PTPRK: variants seen among roughly 807,000 people sequenced by gnomAD.
PTPRK encodes the protein receptor-type tyrosine-protein phosphatase kappa.
A neutral mutation model predicts 178.0 loss-of-function variants in PTPRK; 75 were observed. The observed-to-expected ratio is 0.42, with a 90% CI of 0.35 to 0.51. The LOEUF is 0.51. PTPRK is among the 20% of genes least tolerant of loss of function. PTPRK has a pLI of 0.02. For synonymous variants in PTPRK, 637 were observed against 620.6 expected, an observed-to-expected ratio of 1.03 and a Z score of -0.39; for missense variants, 1,441 against 1,797.8, an observed-to-expected ratio of 0.80 and a Z score of 3.59.
At chr6:128,066,145 T>C (rs1781712897) in intron 12 of PTPRK, among the ~76,000 whole-genome samples, 1 of 152,160 alleles carries the variant, frequency 6.6e-6, no homozygotes, top group South Asian at 2.1e-4. Flanking sequence ...AAAACTATGC[T>C]TCCTACTCAA....
At chr6:127,985,260 T>C (rs1775815025) in intron 22 of PTPRK, among the ~76,000 whole-genome samples, 1 of 152,108 alleles carries the variant, frequency 6.6e-6, no homozygotes, top group South Asian at 2.1e-4. Flanking sequence ...GTGAATTCTT[T>C]AAAAAAAATT....
At chr6:128,241,487 G>A (rs1266069885) in intron 4 of PTPRK, among the ~76,000 whole-genome samples, 1 of 152,200 alleles carries the variant, frequency 6.6e-6, no homozygotes, top group African/African-American at 2.4e-5. Context: ...CCTCACAAGA[G>A]GCCCCAGCCT....
intron 2 of PTPRK, among the ~76,000 whole-genome samples, chr6:128,359,035 A>G (rs1390132956): frequency 6.6e-6 from 1 of 152,222 alleles, no homozygotes; most frequent in East Asian, 1.9e-4. Context: ...TGCATACTGT[A>G]GACAATACCC....
At chr6:128,046,079 AAAGTCAGTTCT>A (rs1340135005) in intron 13 of PTPRK, among the ~76,000 whole-genome samples, 2 of 152,148 alleles carry the variant, frequency 1.3e-5, no homozygotes, top group Non-Finnish European at 2.9e-5. Flanking sequence ...GTGCCTAACA[AAAGTCAGTTCT>A]AAGTCATGAA....
chr6:128,406,335 G>C (rs1037006122), intron 1 of PTPRK, among the ~76,000 whole-genome samples: 9 of 151,930 alleles, frequency 5.9e-5, no homozygotes, highest in Non-Finnish European at 1.2e-4. Flanking sequence ...ATATCAAAAT[G>C]TTTCTAGACT....
At chr6:128,480,147 T>C (rs1045742847) in intron 1 of PTPRK, among the ~76,000 whole-genome samples, 29 of 152,262 alleles carry the variant, frequency 1.9e-4, no homozygotes, top group African/African-American at 6.7e-4. Flanking sequence ...AGTGAGCTCA[T>C]TGTTCTCATC....
At position 128,018,950 on chromosome 6, in the gene PTPRK, G is replaced by T. The variant is rs1773025049; in HGVS notation, c.2195-9682C>A. 2.0e-5 allele frequency among the ~76,000 whole-genome samples: 3 copies of T among 152,106 alleles called. No homozygotes were observed. The South Asian group carries it at 6.2e-4, about 31-fold the overall frequency. Reference sequence around the variant, plus strand: ...AAGATGAACAAGTGTTCTTCCTTTAGAGAGCGTATAAACTAGAAGAAGAAT... The same window carrying T: ...AAGATGAACAAGTGTTCTTCCTTTATAGAGCGTATAAACTAGAAGAAGAAT... On this transcript the variant is annotated intron_variant, in intron 13 of 29. Transcript: ENST00000368226.
chr6:128,235,518 G>T, intron 5 of PTPRK: 4 of 457,518 alleles, frequency 8.7e-6, no homozygotes, highest in South Asian at 6.5e-5. Flanking sequence ...ATCATTGAAC[G>T]TTCCTCAGGA....
At chr6:128,322,661 T>C (rs1314440943) in intron 2 of PTPRK, among the ~76,000 whole-genome samples, 1 of 149,534 alleles carries the variant, frequency 6.7e-6, no homozygotes, top group Admixed American at 6.6e-5. Flanking sequence ...ACAAGTCTTT[T>C]AATATAATAT....
intron 1 of PTPRK, among the ~76,000 whole-genome samples, chr6:128,516,681 A>G (rs557616297): frequency 1.4e-4 from 22 of 152,276 alleles, no homozygotes; most frequent in African/African-American, 5.1e-4. Context: ...ACATGTCAGG[A>G]ACTATAGACA....
intron 7 of PTPRK, among the ~76,000 whole-genome samples, chr6:128,134,470 T>C (rs1431777037): frequency 1.3e-5 from 2 of 152,154 alleles, no homozygotes; most frequent in Non-Finnish European, 2.9e-5. Flanking sequence ...TTTGGTCAAA[T>C]ATTAGACTGG....
intron 6 of PTPRK, among the ~76,000 whole-genome samples, chr6:128,185,453 G>A (rs1480902252): frequency 6.6e-6 from 1 of 151,994 alleles, no homozygotes; most frequent in African/African-American, 2.4e-5. Context: ...GATATATTAA[G>A]GCACTTTTTT....
At chr6:128,088,005 C>T (rs115079442) in intron 8 of PTPRK, among the ~76,000 whole-genome samples, 2,045 of 152,262 alleles carry the variant, frequency 0.013, 51 homozygotes, top group African/African-American at 0.046. Context: ...AAAAGACACA[C>T]CTGATCTAAA....
intron 1 of PTPRK, among the ~76,000 whole-genome samples, chr6:128,417,923 C>T (rs1002144280): frequency 6.6e-6 from 1 of 152,162 alleles, no homozygotes; most frequent in African/African-American, 2.4e-5. Context: ...TCTTCACATT[C>T]TGGGCAATGT....
At chr6:128,332,109 T>C (rs1389332738) in intron 2 of PTPRK, among the ~76,000 whole-genome samples, 2 of 152,160 alleles carry the variant, frequency 1.3e-5, no homozygotes, top group African/African-American at 4.8e-5. Context: ...CATTAAGATT[T>C]AGAAACCTGG....
chr6:128,201,977 A>C (rs1337652166), intron 6 of PTPRK, among the ~76,000 whole-genome samples: 1 of 152,174 alleles, frequency 6.6e-6, no homozygotes, highest in Non-Finnish European at 1.5e-5. Context: ...AATAAAATTA[A>C]CAATAATCTT....
At chr6:128,197,878 C>A (rs1211996371) in intron 6 of PTPRK, among the ~76,000 whole-genome samples, 1 of 152,124 alleles carries the variant, frequency 6.6e-6, no homozygotes, top group Non-Finnish European at 1.5e-5. Flanking sequence ...TCCAGAGAGA[C>A]CTCATGCCTG....
chr6:128,425,624 T>A (rs1414250689), intron 1 of PTPRK, among the ~76,000 whole-genome samples: 2 of 152,182 alleles, frequency 1.3e-5, no homozygotes, highest in East Asian at 3.9e-4. Context: ...TAGACCAACA[T>A]TACCTCAGGC....
chr6:128,349,831 C>T lies in PTPRK; in HGVS notation c.224-27521G>A, dbSNP rs565820840. On this transcript the variant is annotated intron_variant, in intron 2 of 29. Coordinates refer to ENST00000368226, the MANE Select transcript of PTPRK (RefSeq NM_002844.4). ...ATTGGGATTTGGGCAAGGTTGCCAA[C>T]TGTGGAAACTCTTTAATGATTATAG... Among the ~76,000 whole-genome samples the T allele has an allele frequency of 1.2e-3, 187 of 152,198 alleles. 1 individual carries two copies. Among genetic ancestry groups the T allele is most frequent in the African/African-American group, 4.1e-3 (172 of 41,528 alleles).
Sources: gnomAD v4.1 joint callset for allele counts (sites outside exome capture counted in the v4.1 genomes callset) on GRCh38, gnomAD v4.1.1 for gene constraint, MANE v1.5 for transcripts, NCBI Gene and HGNC (gene_info 2026-07-23, HGNC 2026-07-21) for gene names.